Variants in ABCA5 observed in about 807,000 individuals in gnomAD.
ABCA5 encodes ATP binding cassette subfamily A member 5.
Under a neutral mutation model 206.0 loss-of-function variants are expected in ABCA5, and 163 were observed. That is an observed-to-expected ratio of 0.79 (90% confidence interval 0.70 to 0.90). The LOEUF (loss-of-function observed/expected upper bound fraction) is 0.90, where lower values mean the gene tolerates loss of function less well. Among genes scored for constraint, ABCA5 ranks in the 40% least tolerant of loss-of-function variants. The probability of loss-of-function intolerance (pLI) is 0.00; values close to 1 mark genes in which losing one functional copy is unlikely to be tolerated. For synonymous variants in ABCA5, 609 were observed against 613.8 expected (o/e 0.99, Z 0.11); for missense variants, 1,859 against 1,912.9 (o/e 0.97, Z 0.53).
In ABCA5 at chr17:69,287,610, C is replaced by T; in HGVS notation, c.2041+3G>A. On this transcript the variant is annotated splice_donor_region_variant and intron_variant, in intron 15 of 38. Coordinates refer to ENST00000392676, the MANE Select transcript of ABCA5 (RefSeq NM_172232.4). ...GCCTTCGAAAATAAAACAAAAATCT[C>T]ACCTGCAAGAATGTCAGCTTCATCC... 1 of 1,607,598 alleles carries T rather than the reference C, an allele frequency of 6.2e-7. No individual in the cohort carries two copies.
chr17:69,296,247 G>A (rs528033209), intron 10 of ABCA5, among the ~76,000 whole-genome samples: 9 of 151,902 alleles, frequency 5.9e-5, no homozygotes, highest in African/African-American at 1.7e-4. Flanking sequence ...AAAATTTACC[G>A]TTAAGAAAGC....
chr17:69,273,280 A>G (rs1452075972), intron 20 of ABCA5, among the ~76,000 whole-genome samples: 1 of 152,044 alleles, frequency 6.6e-6, no homozygotes, highest in East Asian at 1.9e-4. Context: ...ATGCAGACAC[A>G]TACCTGTATA....
intron 18 of ABCA5, among the ~76,000 whole-genome samples, chr17:69,280,215 T>C (rs920429424): frequency 3.9e-5 from 6 of 152,102 alleles, no homozygotes; most frequent in Non-Finnish European, 7.4e-5. Context: ...CATCAAAAAG[T>C]GGGCAAAGGA....
chr17:69,303,822 A>G (rs1450496026), intron 7 of ABCA5, among the ~76,000 whole-genome samples: 2 of 8,914 alleles, frequency 2.2e-4, no homozygotes, highest in African/African-American at 2.8e-4. Context: ...ACATATATAT[A>G]TATGTATATA....
intron 26 of ABCA5, among the ~76,000 whole-genome samples, chr17:69,260,658 A>C (rs1321067425): frequency 6.6e-6 from 1 of 151,978 alleles, no homozygotes; most frequent in Non-Finnish European, 1.5e-5. Context: ...AGTAAGTAGA[A>C]TTAATTAGCA....
Position 69,248,271 on chromosome 17 carries a change from T to C in ABCA5, c.4812A>G (p.Thr1604=), listed in dbSNP as rs1389467470. Reference sequence around the variant, plus strand: ...TTTAACTTTATAGTACCTGTTCCAATGTTGCTTGAGAAAAGCTATATTCTT... The same window carrying C: ...TTTAACTTTATAGTACCTGTTCCAACGTTGCTTGAGAAAAGCTATATTCTT... ...AIEEYSFSQA[T]LEQVFVELTK... is the part of the protein sequence containing the mutation. Residue 1604 remains threonine, a synonymous_variant, in exon 38 of 39, where the codon ACA becomes ACG. Coordinates refer to ENST00000392676, the MANE Select transcript of ABCA5 (RefSeq NM_172232.4). 1.9e-6 allele frequency: 3 copies of C among 1,555,440 alleles called. No homozygotes were observed. Among genetic ancestry groups the C allele is most frequent in the Non-Finnish European group, 2.6e-6 (3 of 1,137,598 alleles).
intron 19 of ABCA5, among the ~76,000 whole-genome samples, chr17:69,276,096 C>CGG (rs1169116617): frequency 2.9e-5 from 1 of 34,616 alleles, no homozygotes; most frequent in Admixed American, 3.5e-4. Flanking sequence ...TTTGGGGGGG[C>CGG]GGGGGGGCAG....
At chr17:69,261,578 G>T (rs937951757) in intron 25 of ABCA5, 57 bp downstream of exon 25, 5 of 805,378 alleles carry the variant, frequency 6.2e-6, no homozygotes, top group African/African-American at 1.8e-5. Flanking sequence ...AATCAGGAAA[G>T]AATTCATGTT....
At chr17:69,257,794 A>G (rs2075100456) in intron 28 of ABCA5, among the ~76,000 whole-genome samples, 1 of 152,080 alleles carries the variant, frequency 6.6e-6, no homozygotes. Context: ...AGATCCAGAA[A>G]GGAAAGAGAA....
At chr17:69,255,406 A>C (rs1598149294) in intron 31 of ABCA5, 137 bp downstream of exon 31, 1 of 522,854 alleles carries the variant, frequency 1.9e-6, no homozygotes, top group East Asian at 3.4e-5. Flanking sequence ...AAAAGATCAT[A>C]ATTTGATCAG....
chr17:69,249,657 T>C (rs112402061), intron 37 of ABCA5: 5 of 438,876 alleles, frequency 1.1e-5, no homozygotes, highest in African/African-American at 8.1e-5. Context: ...ACAAAATCCC[T>C]ATGACATTAG....
At position 69,246,604 on chromosome 17, in the gene ABCA5, AC is replaced by A. The variant is rs1161085884; in HGVS notation, c.*932del. The stretch of plus-strand genomic sequence containing the variant: ...AATAAATCTACACACTGATCTACTT[AC>A]AATTTTATAGAAGAGATTCACTAAA... On this transcript the variant is annotated 3_prime_UTR_variant, in exon 39 of 39. Coordinates refer to ENST00000392676, the MANE Select transcript of ABCA5 (RefSeq NM_172232.4). 6.6e-6 allele frequency: 1 copy of A among 151,982 alleles called. No homozygotes were observed. Among genetic ancestry groups the A allele is most frequent in the Non-Finnish European group, 1.5e-5 (1 of 67,834 alleles). 9.4% of individuals were successfully genotyped at this position (151,982 alleles called of 1,614,324 possible).
chr17:69,247,294 G>A lies in ABCA5; in HGVS notation c.*243C>T, dbSNP rs2074961665. On this transcript the variant is annotated 3_prime_UTR_variant, in exon 39 of 39. Transcript: ENST00000392676. ...ACTGTTTCTGAATGGTGAAAAAGATGACATACAAACTATATAGTTCAATAT... is the reference window on the plus strand; with the variant it reads ...ACTGTTTCTGAATGGTGAAAAAGATAACATACAAACTATATAGTTCAATAT... 2 of 289,184 alleles carry A rather than the reference G, an allele frequency of 6.9e-6. No individual in the cohort carries two copies. The highest frequency in any genetic ancestry group is 1.3e-4 in the East Asian group (2 of 15,820). 17.9% of individuals were successfully genotyped at this position (289,184 alleles called of 1,614,324 possible). A position where few individuals can be genotyped will look rare whatever the true frequency, so the allele number is the denominator to read the frequency against.
chr17:69,259,535 G>A (rs1183516481), intron 28 of ABCA5, among the ~76,000 whole-genome samples, 171 bp downstream of exon 28: 2 of 151,992 alleles, frequency 1.3e-5, no homozygotes, highest in African/African-American at 2.4e-5. Context: ...AAGTAGATTA[G>A]TGGTTACCTA....
chr17:69,269,267 G>A (rs1000869038), intron 22 of ABCA5, among the ~76,000 whole-genome samples: 4 of 152,196 alleles, frequency 2.6e-5, no homozygotes, highest in African/African-American at 9.6e-5. Context: ...TCCTACGGAG[G>A]AGAGAAGGAA....
rs775072163 is a variant in ABCA5, at chr17:69,261,761, AAT to A, written c.3316-15_3316-14del. The A allele has an allele frequency of 4.3e-6, 5 of 1,174,444 alleles. No homozygotes were observed. The highest frequency in any genetic ancestry group is 1.6e-5 in the African/African-American group (1 of 62,022). 72.8% of individuals were successfully genotyped at this position (1,174,444 alleles called of 1,614,324 possible). ...TAAGGCAAAAAACCTGTAAATCAGA[AAT>A]ATGTTTCTATAAAAATATGAATAGC... On this transcript the variant is annotated splice_polypyrimidine_tract_variant and intron_variant, in intron 24 of 38. Transcript: ENST00000392676.
At chr17:69,298,460 T>G (rs565279032) in intron 9 of ABCA5, among the ~76,000 whole-genome samples, 1 of 152,284 alleles carries the variant, frequency 6.6e-6, no homozygotes, top group South Asian at 2.1e-4. Flanking sequence ...TATCTACTCT[T>G]CTTTTAGATT....
chr17:69,323,282 C>T (rs373357781), intron 1 of ABCA5, among the ~76,000 whole-genome samples: 1 of 152,190 alleles, frequency 6.6e-6, no homozygotes, highest in Non-Finnish European at 1.5e-5. Context: ...ATATACCCTT[C>T]CCCCAAAAAG....
intron 28 of ABCA5, among the ~76,000 whole-genome samples, chr17:69,259,124 T>G (rs1233066844): frequency 6.6e-6 from 1 of 152,028 alleles, no homozygotes; most frequent in Non-Finnish European, 1.5e-5. Context: ...TACAAACAGT[T>G]GTATACAAAC....
Sources: gnomAD v4.1 joint callset for allele counts (sites outside exome capture counted in the v4.1 genomes callset) on GRCh38, gnomAD v4.1.1 for gene constraint, MANE v1.5 for transcripts, NCBI Gene and HGNC (gene_info 2026-07-23, HGNC 2026-07-21) for gene names.